NPAS3: variants seen among roughly 807,000 people sequenced by gnomAD.
The protein encoded by NPAS3 is neuronal PAS domain protein 3.
A neutral mutation model predicts 73.1 loss-of-function variants in NPAS3; 14 were observed. That is an observed-to-expected ratio of 0.19 (90% CI 0.13 to 0.30). The LOEUF is 0.30. NPAS3 is among the 10% of genes least tolerant of loss of function. The probability of loss-of-function intolerance (pLI) is 1.00; values close to 1 mark genes in which losing one functional copy is unlikely to be tolerated. For synonymous variants in NPAS3, 620 were observed against 541.5 expected (o/e 1.14, Z -2.01); for missense variants, 1,096 against 1,250.0 (o/e 0.88, Z 1.86).
chr14:33,617,161 G>T (rs1723499257), intron 5 of NPAS3, among the ~76,000 whole-genome samples: 2 of 152,164 alleles, frequency 1.3e-5, no homozygotes, highest in African/African-American at 4.8e-5. Flanking sequence ...GGAGTTAAAA[G>T]CTGTATAGGG....
At chr14:32,963,216 G>GT (rs1055951274) in intron 1 of NPAS3, among the ~76,000 whole-genome samples, 1 of 152,014 alleles carries the variant, frequency 6.6e-6, no homozygotes, top group African/African-American at 2.4e-5. Flanking sequence ...GCAAAATAAG[G>GT]TTTTTTTCTG....
intron 2 of NPAS3, among the ~76,000 whole-genome samples, chr14:33,078,274 T>C (rs978971021): frequency 6.6e-6 from 1 of 152,240 alleles, no homozygotes; most frequent in Non-Finnish European, 1.5e-5. Flanking sequence ...GACCCAATGA[T>C]AGAGTTAATT....
chr14:33,641,590 C>T lies in NPAS3; in HGVS notation c.559-34621C>T, dbSNP rs564981107. Among the ~76,000 whole-genome samples the T allele has an allele frequency of 1.4e-3, 207 of 152,174 alleles. 1 individual carries two copies. The highest frequency in any genetic ancestry group is 4.5e-3 in the African/African-American group (185 of 41,538). On this transcript the variant is annotated intron_variant, in intron 5 of 11. Coordinates refer to ENST00000356141, the Ensembl canonical transcript of NPAS3. ...CTTCACAAGGAGAGTCTATGTCTAA[C>T]TCATTTTTAACCCTGGTTCTGATAC...
rs1953437 is a variant in NPAS3 at position 32,976,582 on chromosome 14, G to A, written c.50+37216G>A. On this transcript the variant is annotated intron_variant, in intron 1 of 11. Coordinates refer to ENST00000356141, the Ensembl canonical transcript of NPAS3. ...AAGTTTGGAGGACGCTGCTTTAAACGATTTACAAGGCCAAAATCCATATCT... is the reference window on the plus strand; with the variant it reads ...AAGTTTGGAGGACGCTGCTTTAAACAATTTACAAGGCCAAAATCCATATCT... 9.9e-5 allele frequency among the ~76,000 whole-genome samples: 15 copies of A among 152,220 alleles called. No homozygotes were observed. The East Asian group carries it at 2.9e-3, about 29-fold the overall frequency.
At chr14:33,054,794 A>G (rs934638371) in intron 1 of NPAS3, among the ~76,000 whole-genome samples, 2 of 151,944 alleles carry the variant, frequency 1.3e-5, no homozygotes, top group African/African-American at 4.8e-5. Context: ...TTGTATTTTT[A>G]GTAGAGATGG....
chr14:33,203,012 T>C (rs1450132999), intron 2 of NPAS3, among the ~76,000 whole-genome samples: 3 of 152,252 alleles, frequency 2.0e-5, no homozygotes, highest in African/African-American at 7.2e-5. Context: ...TGTGAAGACA[T>C]GTGGCCTTTC....
Position 33,088,264 on chromosome 14 carries a change from G to A in NPAS3, c.140+32270G>A, listed in dbSNP as rs142627311. On this transcript the variant is annotated intron_variant, in intron 2 of 11. Coordinates refer to ENST00000356141, the Ensembl canonical transcript of NPAS3. The stretch of plus-strand genomic sequence containing the variant: ...CATCACCTCACCCAGGAAGTGCAAG[G>A]GGTCAGGGAATTCCCTTTCCTAGCC... Among the ~76,000 whole-genome samples the A allele has an allele frequency of 1.6e-3, 237 of 150,202 alleles. 1 individual carries two copies. Among genetic ancestry groups the A allele is most frequent in the African/African-American group, 5.6e-3 (222 of 39,538 alleles).
At chr14:32,984,930 A>G (rs1189622671) in intron 1 of NPAS3, among the ~76,000 whole-genome samples, 1 of 152,200 alleles carries the variant, frequency 6.6e-6, no homozygotes, top group Non-Finnish European at 1.5e-5. Context: ...TTTAATTGCT[A>G]AGGACAATTG....
At chr14:33,699,906 T>A (rs974688161) in intron 6 of NPAS3, among the ~76,000 whole-genome samples, 2 of 152,124 alleles carry the variant, frequency 1.3e-5, no homozygotes, top group African/African-American at 4.8e-5. Context: ...TAGCTTAACA[T>A]CATTAAACCC....
intron 4 of NPAS3, among the ~76,000 whole-genome samples, chr14:33,508,365 A>G (rs990316669): frequency 1.3e-5 from 2 of 152,164 alleles, no homozygotes; most frequent in Admixed American, 1.3e-4. Context: ...CCTCAGCACT[A>G]TGAAGCAGTG....
chr14:33,348,810 T>C (rs1419344905), intron 3 of NPAS3, among the ~76,000 whole-genome samples: 1 of 152,134 alleles, frequency 6.6e-6, no homozygotes, highest in Non-Finnish European at 1.5e-5. Context: ...TACTTGTCAT[T>C]AGGGATGTCG....
chr14:33,024,138 G>GTA (rs988948381), intron 1 of NPAS3, among the ~76,000 whole-genome samples: 71 of 126,574 alleles, frequency 5.6e-4, no homozygotes, highest in Non-Finnish European at 8.0e-5. Flanking sequence ...GTGTGTGTGT[G>GTA]TATATGTGTG....
At chr14:33,596,320 G>A (rs185567742) in intron 5 of NPAS3, among the ~76,000 whole-genome samples, 4 of 152,294 alleles carry the variant, frequency 2.6e-5, no homozygotes, top group Non-Finnish European at 4.4e-5. Context: ...GAATATGTGC[G>A]TTCAAAATGT....
chr14:33,035,797 C>T (rs2040146362), intron 1 of NPAS3, among the ~76,000 whole-genome samples: 1 of 152,266 alleles, frequency 6.6e-6, no homozygotes, highest in East Asian at 1.9e-4. Flanking sequence ...TCCTTAGCAG[C>T]ATCTTTACAC....
intron 5 of NPAS3, among the ~76,000 whole-genome samples, chr14:33,562,918 C>CACACACACACACACACACA (rs1595160661): frequency 6.6e-6 from 1 of 151,630 alleles, no homozygotes; most frequent in African/African-American, 2.4e-5. Flanking sequence ...CACACACACA[C>CACACACACACACACACACA]CCTTAATCAA....
chr14:33,449,132 G>A (rs892381204), intron 4 of NPAS3, among the ~76,000 whole-genome samples: 3 of 152,214 alleles, frequency 2.0e-5, no homozygotes, highest in African/African-American at 4.8e-5. Flanking sequence ...TATGTCCACC[G>A]AAAAGAGACT....
intron 2 of NPAS3, among the ~76,000 whole-genome samples, chr14:33,111,670 T>C (rs937191330): frequency 1.3e-5 from 2 of 152,022 alleles, no homozygotes; most frequent in African/African-American, 4.8e-5. Flanking sequence ...TTTCTTTTTT[T>C]TTTTATTATA....
At chr14:33,174,099 A>G (rs907751775) in intron 2 of NPAS3, among the ~76,000 whole-genome samples, 5 of 152,232 alleles carry the variant, frequency 3.3e-5, no homozygotes, top group African/African-American at 1.2e-4. Flanking sequence ...TGCTCTCTTT[A>G]AAATTTTACA....
At chr14:33,697,165 C>T (rs1395326343) in intron 6 of NPAS3, among the ~76,000 whole-genome samples, 1 of 152,154 alleles carries the variant, frequency 6.6e-6, no homozygotes, top group Non-Finnish European at 1.5e-5. Flanking sequence ...TTCTTGTCAC[C>T]AACCCTGGAT....
Sources: allele counts gnomAD v4.1 joint callset (sites outside exome capture counted in the v4.1 genomes callset), GRCh38; gene constraint gnomAD v4.1.1; transcripts MANE v1.5; gene names NCBI Gene and HGNC (gene_info 2026-07-23, HGNC 2026-07-21).